HNRNPL: variants seen among roughly 807,000 people sequenced by gnomAD.
The protein encoded by HNRNPL is heterogeneous nuclear ribonucleoprotein L.
Under a neutral mutation model 64.0 loss-of-function variants are expected in HNRNPL, and 12 were observed. The ratio of observed to expected loss-of-function variants is 0.19; its 90% CI spans 0.12 to 0.30. HNRNPL has a LOEUF of 0.30. HNRNPL is among the 10% of genes least tolerant of loss of function. The pLI is 1.00. For missense variants in HNRNPL, 484 were observed against 797.4 expected (o/e 0.61, Z 4.73); for synonymous variants, 385 against 313.0 (o/e 1.23, Z -2.43).
At chr19:38,845,351 A>C in intron 4 of HNRNPL, 1 of 320,776 alleles carries the variant, frequency 3.1e-6, no homozygotes, top group Non-Finnish European at 5.9e-6. Flanking sequence ...AGCCCAGGCA[A>C]CAAGGGCTAA....
intron 2 of HNRNPL, 149 bp from the exon 3 acceptor site, chr19:38,846,239 C>G (rs1972290985): frequency 1.5e-6 from 1 of 688,794 alleles, no homozygotes; most frequent in African/African-American, 1.8e-5. Context: ...CCCTGTGCCA[C>G]AAGTAGTACC....
At chr19:38,843,561 C>G in intron 6 of HNRNPL, 1 of 462,472 alleles carries the variant, frequency 2.2e-6, no homozygotes, top group Non-Finnish European at 3.9e-6. Context: ...AAGGCCGCCC[C>G]CACGCCTCAT....
At chr19:38,841,255 G>T in intron 6 of HNRNPL, 1 of 299,888 alleles carries the variant, frequency 3.3e-6, no homozygotes, top group Non-Finnish European at 6.5e-6. Context: ...TAAGTGGCAG[G>T]CACTGGGCTA....
intron 4 of HNRNPL, chr19:38,845,378 TAAATAAGTAAATAACAGAAA>T (rs1972258079): frequency 7.3e-6 from 3 of 413,672 alleles, no homozygotes; most frequent in Non-Finnish European, 1.3e-5. Flanking sequence ...TCTCAATAAA[TAAATAAGTAAATAACAGAAA>T]GAAAACAAAA....
upstream of HNRNPL, chr19:38,850,078 G>A (rs535092756): frequency 1.3e-4 from 105 of 834,642 alleles, no homozygotes; most frequent in Middle Eastern, 7.6e-4. Context: ...GGGGAGGGTA[G>A]GCCGCCACAC....
rs60286661 is a variant in HNRNPL, at chr19:38,849,505, A to G, written c.267+195T>C. Reference sequence around the variant, plus strand: ...TGCGCTCCCCCACACCCCGCTCCGGACCCCGCGCACGCGCAGGCGCCTGTC... The same window carrying G: ...TGCGCTCCCCCACACCCCGCTCCGGGCCCCGCGCACGCGCAGGCGCCTGTC... On this transcript the variant is annotated intron_variant, in intron 1 of 12. Coordinates refer to ENST00000221419, the MANE Select transcript of HNRNPL (RefSeq NM_001533.3). 7.5e-3 allele frequency: 5,281 copies of G among 706,198 alleles called. 246 individuals are homozygous for G. In the East Asian group the frequency reaches 0.1, roughly 13 times the overall value. The allele number at this position is 706,198 out of a possible 1,614,324, so 43.7% of individuals were successfully genotyped here.
chr19:38,840,318 T>C lies in HNRNPL; in HGVS notation c.1011A>G (p.Pro337=). The stretch of plus-strand genomic sequence containing the variant: ...CCATCCTTCTCCCTTCGTAGTGAGG[T>C]GGGGGGGGCCCGTAGCCCTCATCAT... ...HYHDEGYGPP[P]PHYEGRRMGP... The change falls in exon 8 of 13, where the codon CCA becomes CCG. Residue 337 remains proline (P), a synonymous_variant. Coordinates refer to ENST00000221419, the MANE Select transcript of HNRNPL (RefSeq NM_001533.3). 4 of 1,518,326 alleles carry C rather than the reference T, an allele frequency of 2.6e-6. No individual in the cohort carries two copies. The highest frequency in any genetic ancestry group is 2.7e-6 in the Non-Finnish European group (3 of 1,123,998). 94.1% of individuals were successfully genotyped at this position (1,518,326 alleles called of 1,614,324 possible).
chr19:38,839,971 C>G, intron 8 of HNRNPL, 125 bp downstream of exon 8: 3 of 828,236 alleles, frequency 3.6e-6, no homozygotes, highest in South Asian at 3.1e-5. Context: ...TGCCTGAGCT[C>G]ACTGAGTCAC....
In HNRNPL at chr19:38,838,605, C is replaced by T; in HGVS notation, c.1356-7G>A. The T allele has an allele frequency of 6.2e-7, 1 of 1,612,934 alleles. No individual in the cohort carries two copies. Among genetic ancestry groups the T allele is most frequent in the Non-Finnish European group, 8.5e-7 (1 of 1,179,216 alleles). ...GGCTGGCTGCTTGGAGACACTGCAGCAAGGAAGAAAGGGGAGCCTTTGTCA... is the reference window on the plus strand; with the variant it reads ...GGCTGGCTGCTTGGAGACACTGCAGTAAGGAAGAAAGGGGAGCCTTTGTCA... On this transcript the variant is annotated splice_region_variant and splice_polypyrimidine_tract_variant and intron_variant, in intron 9 of 12. Transcript: ENST00000221419.
At chr19:38,852,051 C>A, upstream of HNRNPL, among the ~76,000 whole-genome samples, 1 of 151,182 alleles carries the variant, frequency 6.6e-6, no homozygotes, top group East Asian at 2.0e-4. Context: ...GGCCCCTCCC[C>A]TCCCCGCCCC....
At chr19:38,849,001 G>GGGGGTC (rs1177465772) in intron 1 of HNRNPL, among the ~76,000 whole-genome samples, 4 of 152,180 alleles carry the variant, frequency 2.6e-5, no homozygotes, top group Non-Finnish European at 5.9e-5. Context: ...ACTGATTACA[G>GGGGGTC]GGGGTCGAAA....
upstream of HNRNPL, chr19:38,850,433 G>C (rs1208772288): frequency 6.3e-6 from 1 of 158,698 alleles, no homozygotes; most frequent in Non-Finnish European, 1.4e-5. Context: ...TCCAGTGGTG[G>C]TTACAGATGC....
intron 4 of HNRNPL, 134 bp from the exon 5 acceptor site, chr19:38,844,238 C>T: frequency 3.1e-6 from 2 of 641,768 alleles, no homozygotes; most frequent in Admixed American, 5.1e-5. Context: ...AGCTCACTGC[C>T]CAGCCACTAG....
At chr19:38,842,000 G>A (rs560344563) in intron 6 of HNRNPL, 9 of 262,012 alleles carry the variant, frequency 3.4e-5, no homozygotes, top group East Asian at 1.1e-4. Flanking sequence ...CCTTGGGAGC[G>A]CGCCTGGTTA....
In HNRNPL at chr19:38,846,026, A is replaced by G. The variant is rs1410339659; in HGVS notation, c.451T>C (p.Cys151Arg). The change falls in exon 3 of 13, where the codon TGC becomes CGC. Residue 151 changes from cysteine (C) to arginine (R), a missense_variant. By Grantham distance (180) the Cys-to-Arg change is radical (BLOSUM62 -3). Transcript: ENST00000221419. ...TCGGCTGCGTAGTTCACTGCGTTGC[A>G]AGCCCCCAACACATCTTCAAACTCC... ...LVEFEDVLGA[C>R]NAVNYAADNQ... The G allele has an allele frequency of 6.2e-7, 1 of 1,614,090 alleles. No homozygotes were observed. The highest frequency in any genetic ancestry group is 8.5e-7 in the Non-Finnish European group (1 of 1,180,050).
chr19:38,844,966 C>T (rs1319733674), intron 4 of HNRNPL: 3 of 152,168 alleles, frequency 2.0e-5, no homozygotes, highest in East Asian at 1.9e-4. Flanking sequence ...CCTCGGCCTC[C>T]GAAAGTGCTG....
intron 4 of HNRNPL, 171 bp downstream of exon 4, chr19:38,845,479 T>A: frequency 1.6e-6 from 1 of 632,132 alleles, no homozygotes; most frequent in Non-Finnish European, 2.8e-6. Context: ...CCACACGATA[T>A]GCCTGGTCCT....
chr19:38,840,634 G>A (rs1451951359), intron 6 of HNRNPL, 75 bp from the exon 7 acceptor site: 12 of 1,193,442 alleles, frequency 1.0e-5, no homozygotes, highest in Non-Finnish European at 1.4e-5. Flanking sequence ...TGCACAGGCT[G>A]ATCTGAGCCC....
intron 8 of HNRNPL, 110 bp downstream of exon 8, chr19:38,839,986 T>A (rs562415807): frequency 3.0e-6 from 3 of 990,424 alleles, no homozygotes; most frequent in African/African-American, 3.2e-5. Context: ...AGTCACTCAT[T>A]GGCGTCTGCC....
Sources: allele counts gnomAD v4.1 joint callset (sites outside exome capture counted in the v4.1 genomes callset), GRCh38; gene constraint gnomAD v4.1.1; transcripts MANE v1.5; gene names NCBI Gene and HGNC (gene_info 2026-07-23, HGNC 2026-07-21).